VWC2: variants seen among roughly 807,000 people sequenced by gnomAD.
The protein encoded by VWC2 is von Willebrand factor C domain containing 2.
A neutral mutation model predicts 29.8 loss-of-function variants in VWC2; 14 were observed. The ratio of observed to expected loss-of-function variants is 0.47; its 90% CI spans 0.31 to 0.74. The LOEUF (loss-of-function observed/expected upper bound fraction) is 0.74, where lower values mean the gene tolerates loss of function less well. VWC2 is among the 30% of genes least tolerant of loss of function. The pLI is 0.05. For missense variants in VWC2, 457 were observed against 459.8 expected (o/e 0.99, Z 0.05); for synonymous variants, 213 against 199.0 (o/e 1.07, Z -0.59).
At chr7:49,803,392 A>G (rs1788791404) in intron 3 of VWC2, among the ~76,000 whole-genome samples, 1 of 152,208 alleles carries the variant, frequency 6.6e-6, no homozygotes, top group Non-Finnish European at 1.5e-5. Context: ...ACAAACGATG[A>G]TTACTCTGTA....
At position 49,919,408 on chromosome 7, in the gene VWC2, A is replaced by G. The variant is rs1793902237; in HGVS notation, c.*7223A>G. 6.6e-6 allele frequency: 1 copy of G among 152,178 alleles called. No homozygotes were observed. Among genetic ancestry groups the G allele is most frequent in the South Asian group, 2.1e-4 (1 of 4,830 alleles). The allele number at this position is 152,178 out of a possible 1,614,324, so 9.4% of individuals were successfully genotyped here. ...CATCAGTATTATGATTTATACTTTT[A>G]AGCAAAATTTTGCCATTTTCTGATA... is the stretch of plus-strand genomic sequence containing the variant. On this transcript the variant is annotated 3_prime_UTR_variant, in exon 4 of 4. Coordinates refer to ENST00000340652, the MANE Select transcript of VWC2 (RefSeq NM_198570.5).
chr7:49,861,803 G>A (rs1043492466), intron 3 of VWC2, among the ~76,000 whole-genome samples: 3 of 152,198 alleles, frequency 2.0e-5, no homozygotes, highest in African/African-American at 7.2e-5. Context: ...TCAGTTGGAT[G>A]CAGAAGTCTG....
intron 3 of VWC2, among the ~76,000 whole-genome samples, chr7:49,903,206 T>C (rs913011454): frequency 6.6e-6 from 1 of 152,216 alleles, no homozygotes; most frequent in Non-Finnish European, 1.5e-5. Flanking sequence ...CTTATAAAAC[T>C]AAATACTCAG....
intron 3 of VWC2, among the ~76,000 whole-genome samples, chr7:49,863,622 G>C (rs1790758318): frequency 6.6e-6 from 1 of 152,018 alleles, no homozygotes; most frequent in African/African-American, 2.4e-5. Flanking sequence ...TGTAGAGAAG[G>C]GGTCTTGCCA....
chr7:49,802,860 G>T lies in VWC2; in HGVS notation c.826+20G>T. On this transcript the variant is annotated intron_variant, in intron 3 of 3. Transcript: ENST00000340652. ...AAAATGGTATGTGAGATCCCCGTTG[G>T]TGACGGGGTGCACCTCCCACCCTGA... The T allele has an allele frequency of 6.2e-7, 1 of 1,613,980 alleles. No homozygotes were observed. The highest frequency in any genetic ancestry group is 8.5e-7 in the Non-Finnish European group (1 of 1,179,882).
chr7:49,792,858 G>C (rs1788496317), intron 2 of VWC2, among the ~76,000 whole-genome samples: 1 of 152,206 alleles, frequency 6.6e-6, no homozygotes, highest in South Asian at 2.1e-4. Context: ...TCTTGGTACT[G>C]TGATGTCGGG....
At chr7:49,874,895 T>C (rs1296776222) in intron 3 of VWC2, among the ~76,000 whole-genome samples, 1 of 152,162 alleles carries the variant, frequency 6.6e-6, no homozygotes, top group African/African-American at 2.4e-5. Context: ...GTTCTTCCTA[T>C]TTGTATGAGA....
At chr7:49,905,866 GCCATGAGAGTGA>G (rs935495158) in intron 3 of VWC2, among the ~76,000 whole-genome samples, 1 of 152,158 alleles carries the variant, frequency 6.6e-6, no homozygotes, top group African/African-American at 2.4e-5. Context: ...AACCAAGATG[GCCATGAGAGTGA>G]CCTCTAGTCA....
intron 3 of VWC2, among the ~76,000 whole-genome samples, chr7:49,899,106 C>T (rs1193152825): frequency 1.3e-5 from 2 of 152,026 alleles, no homozygotes; most frequent in East Asian, 3.8e-4. Flanking sequence ...AGAAATCAGA[C>T]ACATAGACTA....
At chr7:49,839,451 T>C (rs1165026838) in intron 3 of VWC2, among the ~76,000 whole-genome samples, 2 of 152,246 alleles carry the variant, frequency 1.3e-5, no homozygotes, top group African/African-American at 2.4e-5. Flanking sequence ...AAGAAATGTC[T>C]TTTATCCCTC....
intron 2 of VWC2, among the ~76,000 whole-genome samples, chr7:49,783,495 G>A (rs1410541570): frequency 1.3e-5 from 2 of 152,144 alleles, no homozygotes; most frequent in Non-Finnish European, 2.9e-5. Flanking sequence ...TCCCACCCAG[G>A]CCTACCTACC....
chr7:49,887,361 G>A (rs956799170), intron 3 of VWC2, among the ~76,000 whole-genome samples: 24 of 152,202 alleles, frequency 1.6e-4, no homozygotes, highest in Admixed American at 7.9e-4. Context: ...CTCCTTGGAT[G>A]ATGACACCAT....
At chr7:49,872,544 C>CA (rs1386703578) in intron 3 of VWC2, among the ~76,000 whole-genome samples, 2 of 151,258 alleles carry the variant, frequency 1.3e-5, no homozygotes, top group Non-Finnish European at 2.9e-5. Context: ...TTAAGATACA[C>CA]AAAAAAATAC....
intron 2 of VWC2, among the ~76,000 whole-genome samples, chr7:49,782,660 CAT>C (rs1471878485): frequency 6.8e-6 from 1 of 146,644 alleles, no homozygotes; most frequent in Non-Finnish European, 1.5e-5. Context: ...GTCTAGACAA[CAT>C]AGTGAGGCCA....
chr7:49,843,905 G>C (rs1789857335), intron 3 of VWC2, among the ~76,000 whole-genome samples: 1 of 152,230 alleles, frequency 6.6e-6, no homozygotes, highest in Non-Finnish European at 1.5e-5. Context: ...GATAGATGGA[G>C]AGATAGCAGA....
chr7:49,905,887 C>T (rs1004806951), intron 3 of VWC2, among the ~76,000 whole-genome samples: 2 of 152,216 alleles, frequency 1.3e-5, no homozygotes, highest in Non-Finnish European at 2.9e-5. Flanking sequence ...GACCTCTAGT[C>T]ATCCTCACTG....
At chr7:49,818,285 A>G (rs1407784120) in intron 3 of VWC2, among the ~76,000 whole-genome samples, 10 of 152,230 alleles carry the variant, frequency 6.6e-5, no homozygotes, top group Non-Finnish European at 1.3e-4. Context: ...AGAGCCCTTC[A>G]ACACTAAAAA....
At chr7:49,778,898 A>T (rs1380389924) in intron 2 of VWC2, among the ~76,000 whole-genome samples, 1 of 152,256 alleles carries the variant, frequency 6.6e-6, no homozygotes, top group Admixed American at 6.5e-5. Context: ...TGTGATTCAA[A>T]TGGAGATTGT....
intron 3 of VWC2, among the ~76,000 whole-genome samples, chr7:49,879,619 C>G (rs1404446783): frequency 6.6e-6 from 1 of 152,208 alleles, no homozygotes; most frequent in Non-Finnish European, 1.5e-5. Context: ...GTGGCATTCA[C>G]AGGCAACTCT....
Sources: gnomAD v4.1 joint callset for allele counts (sites outside exome capture counted in the v4.1 genomes callset) on GRCh38, gnomAD v4.1.1 for gene constraint, MANE v1.5 for transcripts, NCBI Gene and HGNC (gene_info 2026-07-23, HGNC 2026-07-21) for gene names.